The following KDM1B variants were observed in gnomAD, a reference collection of about 807,000 sequenced individuals.
KDM1B encodes the protein lysine demethylase 1B.
KDM1B carries 63 observed loss-of-function variants against 107.4 expected under a neutral mutation model. The ratio of observed to expected loss-of-function variants is 0.59; its 90% CI spans 0.48 to 0.72. KDM1B has a LOEUF of 0.72. Among genes scored for constraint, KDM1B ranks in the 30% least tolerant of loss-of-function variants. The pLI is 0.00. For missense variants in KDM1B, 749 were observed against 1,020.8 expected (o/e 0.73, Z 3.63); for synonymous variants, 363 against 363.9 (o/e 1.00, Z 0.03).
chr6:18,160,787 C>T (rs1254070610), intron 3 of KDM1B, among the ~76,000 whole-genome samples: 4 of 146,780 alleles, frequency 2.7e-5, no homozygotes, highest in African/African-American at 7.5e-5. Flanking sequence ...AAAAACAAAT[C>T]TCAATTTGGG....
intron 14 of KDM1B, among the ~76,000 whole-genome samples, chr6:18,202,239 A>T (rs936990528): frequency 5.4e-5 from 8 of 147,286 alleles, no homozygotes; most frequent in Non-Finnish European, 1.0e-4. Flanking sequence ...TGTCTACAAA[A>T]AAAAAGGGCG....
chr6:18,168,529 A>G (rs1007433202), intron 6 of KDM1B, among the ~76,000 whole-genome samples: 1 of 152,242 alleles, frequency 6.6e-6, no homozygotes, highest in African/African-American at 2.4e-5. Flanking sequence ...CATCTAGATC[A>G]TTTCAAGCGT....
rs566062838 is a variant in KDM1B at position 18,183,201 on chromosome 6, GTTA to G, written c.535-2566_535-2564del. Reference sequence around the variant, plus strand: ...CCTCCCTCCAGTGTGCTCCTCAGTAGTTATTATGCTTCCTCTCCTTCCCTTGCA... The same window carrying G: ...CCTCCCTCCAGTGTGCTCCTCAGTAGTTATGCTTCCTCTCCTTCCCTTGCA... On this transcript the variant is annotated intron_variant, in intron 7 of 21. Transcript: ENST00000650836. Among the ~76,000 whole-genome samples the G allele has an allele frequency of 3.5e-5, 5 of 144,722 alleles. No individual in the cohort carries two copies. In the South Asian group the frequency reaches 1.2e-3, roughly 33 times the overall value. 94.9% of individuals were successfully genotyped at this position (144,722 alleles called of 152,430 possible). A position where few individuals can be genotyped will look rare whatever the true frequency, so the allele number is the denominator to read the frequency against.
Position 18,197,282 on chromosome 6 carries a change from C to G in KDM1B, c.1146+49C>G. 6.6e-7 allele frequency: 1 copy of G among 1,512,992 alleles called. No homozygotes were observed. The allele number at this position is 1,512,992 out of a possible 1,614,324, so 93.7% of individuals were successfully genotyped here. ...TAGCCTTGCCATTGATCAGGACAAA[C>G]GCTAGTCTGTTGCTGTTAATAAATA... On this transcript the variant is annotated intron_variant, in intron 11 of 21. Transcript: ENST00000650836. This position sits in a 1 kb window ranked among gnomAD's most constrained non-coding sequence, Gnocchi z 4.5.
In KDM1B at chr6:18,213,170, C is replaced by T. The variant is rs1788975784; in HGVS notation, c.1984-486C>T. On this transcript the variant is annotated intron_variant, in intron 18 of 21. Coordinates refer to ENST00000650836, the MANE Select transcript of KDM1B (RefSeq NM_001364614.2). The surrounding 1 kb of genome is among the most constrained non-coding windows in gnomAD (Gnocchi z 5.9). ...CAAGGAGCTGGGCTGGGCACAGTGGCTCATGCCTGTAATCCCAGCACTTTG... is the reference window on the plus strand; with the variant it reads ...CAAGGAGCTGGGCTGGGCACAGTGGTTCATGCCTGTAATCCCAGCACTTTG... Among the ~76,000 whole-genome samples the T allele has an allele frequency of 6.6e-6, 1 of 152,190 alleles. No individual in the cohort carries two copies. Among genetic ancestry groups the T allele is most frequent in the South Asian group, 2.1e-4 (1 of 4,834 alleles).
At position 18,211,430 on chromosome 6, in the gene KDM1B, T is replaced by C. The variant is rs992827060; in HGVS notation, c.1867-1058T>C. 3.9e-5 allele frequency: 6 copies of C among 152,222 alleles called. No individual in the cohort carries two copies. Among genetic ancestry groups the C allele is most frequent in the African/African-American group, 1.4e-4 (6 of 41,446 alleles). The allele number at this position is 152,222 out of a possible 1,614,324, so 9.4% of individuals were successfully genotyped here. On this transcript the variant is annotated intron_variant, in intron 17 of 21. Coordinates refer to ENST00000650836, the MANE Select transcript of KDM1B (RefSeq NM_001364614.2). This position sits in a 1 kb window ranked among gnomAD's most constrained non-coding sequence, Gnocchi z 5.2. Reference sequence around the variant, plus strand: ...GCCCAGCCAATCTGATGCACTTGCATGAGATGTAGAAGGTGTAGGTTGACT... The same window carrying C: ...GCCCAGCCAATCTGATGCACTTGCACGAGATGTAGAAGGTGTAGGTTGACT...
chr6:18,183,208 T>C (rs1240922527), intron 7 of KDM1B, among the ~76,000 whole-genome samples: 1 of 151,718 alleles, frequency 6.6e-6, no homozygotes, highest in Non-Finnish European at 1.5e-5. Context: ...GTAGTTATTA[T>C]GCTTCCTCTC....
At chr6:18,221,341 C>T (rs557156254) in intron 21 of KDM1B, among the ~76,000 whole-genome samples, 1 of 152,296 alleles carries the variant, frequency 6.6e-6, no homozygotes, top group South Asian at 2.1e-4. Flanking sequence ...ATCCTGTCCT[C>T]CCCTATCCTC....
rs66551414 is a variant in KDM1B at position 18,214,935 on chromosome 6, CA to C, written c.2110-64del. On this transcript the variant is annotated intron_variant, in intron 19 of 21. Coordinates refer to ENST00000650836, the MANE Select transcript of KDM1B (RefSeq NM_001364614.2). The surrounding 1 kb of genome is among the most constrained non-coding windows in gnomAD (Gnocchi z 4.4). ...ATTTAAAACAAAACAAAACAAAAAA[CA>C]AAAAAAAGAGGCCCTTATCTGTGGG... 4.5e-5 allele frequency: 66 copies of C among 1,475,336 alleles called. No homozygotes were observed. The highest frequency in any genetic ancestry group is 8.8e-5 in the African/African-American group (6 of 68,372). The allele number at this position is 1,475,336 out of a possible 1,614,324, so 91.4% of individuals were successfully genotyped here.
chr6:18,199,028 A>AAAG (rs1787862192), intron 12 of KDM1B, among the ~76,000 whole-genome samples: 1 of 138,764 alleles, frequency 7.2e-6, no homozygotes, highest in African/African-American at 2.9e-5. Flanking sequence ...AAAAAAAAAA[A>AAAG]AAAAAGAAAA....
intron 7 of KDM1B, among the ~76,000 whole-genome samples, chr6:18,176,997 T>A (rs1786057960): frequency 6.6e-6 from 1 of 152,332 alleles, no homozygotes; most frequent in South Asian, 2.1e-4. Context: ...ATAAAATGAA[T>A]TAGGGAGGGT....
Position 18,200,900 on chromosome 6 carries a change from G to A in KDM1B, c.1359+324G>A, listed in dbSNP as rs746966340. On this transcript the variant is annotated intron_variant, in intron 13 of 21. Transcript: ENST00000650836. The surrounding 1 kb of genome is among the most constrained non-coding windows in gnomAD (Gnocchi z 4.3). ...TTAAATTTCATTTTCAGATAAACAA[G>A]TAATTTTTTACCCAAGTATTTCCCA... Among the ~76,000 whole-genome samples the A allele has an allele frequency of 2.0e-5, 3 of 152,068 alleles. No homozygotes were observed. Among genetic ancestry groups the A allele is most frequent in the Non-Finnish European group, 4.4e-5 (3 of 68,018 alleles).
chr6:18,220,670 GGA>G (rs1283403862), intron 21 of KDM1B, among the ~76,000 whole-genome samples: 1 of 152,180 alleles, frequency 6.6e-6, no homozygotes, highest in Non-Finnish European at 1.5e-5. Flanking sequence ...CAGCAGCTTC[GGA>G]GAGACGGCTG....
At chr6:18,189,022 G>C (rs1296025071) in intron 9 of KDM1B, among the ~76,000 whole-genome samples, 2 of 151,972 alleles carry the variant, frequency 1.3e-5, no homozygotes, top group Non-Finnish European at 2.9e-5. Flanking sequence ...GACCTCAAGT[G>C]ATCCGCCCCC....
intron 6 of KDM1B, among the ~76,000 whole-genome samples, chr6:18,166,692 A>T (rs1056411100): frequency 4.0e-5 from 6 of 150,288 alleles, no homozygotes; most frequent in African/African-American, 1.2e-4. Flanking sequence ...ACAAAAAAAA[A>T]TTTTTTTTTT....
chr6:18,201,968 G>T lies in KDM1B; in HGVS notation c.1531+311G>T, dbSNP rs746724058. Among the ~76,000 whole-genome samples the T allele has an allele frequency of 5.9e-5, 9 of 152,152 alleles. No homozygotes were observed. Among genetic ancestry groups the T allele is most frequent in the Non-Finnish European group, 1.0e-4 (7 of 68,036 alleles). ...TAGCTTACTTTTATGGGAACATGTG[G>T]TAAGCCCTGTGTGATAAATCATCAC... is the stretch of plus-strand genomic sequence containing the variant. On this transcript the variant is annotated intron_variant, in intron 14 of 21. Transcript: ENST00000650836. This position sits in a 1 kb window ranked among gnomAD's most constrained non-coding sequence, Gnocchi z 4.3.
intron 5 of KDM1B, among the ~76,000 whole-genome samples, chr6:18,164,094 T>C (rs6916807): frequency 0.56 from 85,868 of 151,990 alleles, 24,446 homozygotes; most frequent in African/African-American, 0.64. Context: ...TGCAGATATG[T>C]CTATTTTTCC....
chr6:18,185,445 G>A (rs903846775), intron 7 of KDM1B, among the ~76,000 whole-genome samples: 21 of 152,064 alleles, frequency 1.4e-4, no homozygotes, highest in African/African-American at 5.1e-4. Context: ...GAGATTACAG[G>A]CACCTGCCAC....
Position 18,207,333 on chromosome 6 carries a change from A to G in KDM1B, c.1660-65A>G, listed in dbSNP as rs1017123498. ...GCTGTTCCCACCTGGAGCTCCTCAT[A>G]TTGGCTCTCAGGCACAGGCACAAGG... On this transcript the variant is annotated intron_variant, in intron 15 of 21. Transcript: ENST00000650836. The G allele has an allele frequency of 2.5e-5, 39 of 1,584,150 alleles. No individual in the cohort carries two copies. In the Middle Eastern group the frequency reaches 6.3e-4, roughly 26 times the overall value.
Sources: allele counts gnomAD v4.1 joint callset (sites outside exome capture counted in the v4.1 genomes callset), GRCh38; gene constraint gnomAD v4.1.1; non-coding constraint Gnocchi (gnomAD v3.1); transcripts MANE v1.5; gene names NCBI Gene and HGNC (gene_info 2026-07-23, HGNC 2026-07-21).